The following RUSC1 variants were observed in gnomAD, a reference collection of about 807,000 sequenced individuals.
RUSC1 encodes the protein AP-4 complex accessory subunit RUSC1.
Under a neutral mutation model 72.1 loss-of-function variants are expected in RUSC1, and 40 were observed. The observed-to-expected ratio is 0.55, with a 90% confidence interval of 0.43 to 0.72. The LOEUF is 0.72. RUSC1 is among the 30% of genes least tolerant of loss of function. The pLI is 0.00. For missense variants in RUSC1, 1,092 were observed against 1,172.3 expected, an observed-to-expected ratio of 0.93 and a Z score of 1.00; for synonymous variants, 512 against 494.2, an observed-to-expected ratio of 1.04 and a Z score of -0.48.
intron 2 of RUSC1, chr1:155,323,738 C>A (rs1423750089): frequency 6.3e-6 from 1 of 157,496 alleles, no homozygotes; most frequent in East Asian, 1.9e-4. Flanking sequence ...GTACCCGCCC[C>A]CCCGCTGCCA....
chr1:155,330,469 A>G lies in RUSC1; in HGVS notation c.2607A>G (p.Glu869=). ...ACCAGTTGAGCTTCCGGCGTGGGGA[A>G]GTGCTGCGTGTCATCACCACAGTGG... ...RPDQLSFRRG[E]VLRVITTVDE... The change falls in exon 10 of 10, where the codon GAA becomes GAG. Residue 869 remains glutamate, a synonymous_variant. Transcript: ENST00000368352. The G allele has an allele frequency of 6.2e-7, 1 of 1,613,882 alleles. No individual in the cohort carries two copies. Among genetic ancestry groups the G allele is most frequent in the South Asian group, 1.1e-5 (1 of 91,072 alleles).
At chr1:155,321,434 G>A (rs934437104) in intron 1 of RUSC1, 5 of 1,413,304 alleles carry the variant, frequency 3.5e-6, no homozygotes, top group Middle Eastern at 2.4e-4. Context: ...CCAGGCCCCC[G>A]CCCCCCTTCG....
chr1:155,325,684 TC>T lies in RUSC1; in HGVS notation c.1814+13del, dbSNP rs757987563. The T allele has an allele frequency of 6.2e-7, 1 of 1,613,372 alleles. No individual in the cohort carries two copies. The highest frequency in any genetic ancestry group is 8.5e-7 in the Non-Finnish European group (1 of 1,179,654). ...CTGGGCCTCCTCAAGTGAGTTGCCTTCTTTCCAGTGCCCTTCCCACGACCTG... is the reference window on the plus strand; with the variant it reads ...CTGGGCCTCCTCAAGTGAGTTGCCTTTTTCCAGTGCCCTTCCCACGACCTG... On this transcript the variant is annotated intron_variant, in intron 6 of 9. Coordinates refer to ENST00000368352, the MANE Select transcript of RUSC1 (RefSeq NM_001105203.2). This position sits in a 1 kb window ranked among gnomAD's most constrained non-coding sequence, Gnocchi z 6.5.
In RUSC1 at chr1:155,322,000, A is replaced by G; in HGVS notation, c.227A>G (p.Glu76Gly). The G allele has an allele frequency of 1.9e-6, 3 of 1,601,894 alleles. No individual in the cohort carries two copies. The highest frequency in any genetic ancestry group is 2.6e-6 in the Non-Finnish European group (3 of 1,173,066). ...GCTGTGCCCTGCCGGTGCTGCCAGGAGCACGGTCCGGGCCTAGAAAACCGG... is the reference window on the plus strand; with the variant it reads ...GCTGTGCCCTGCCGGTGCTGCCAGGGGCACGGTCCGGGCCTAGAAAACCGG... ...SPAVPCRCCQ[E>G]HGPGLENRQD... The change falls in exon 2 of 10, where the codon GAG becomes GGG. Residue 76 changes from glutamate (E) to glycine (G), a missense_variant. Coordinates refer to ENST00000368352, the MANE Select transcript of RUSC1 (RefSeq NM_001105203.2).
rs766837099 is a variant in RUSC1, at chr1:155,322,005, G to T, written c.232G>T (p.Gly78Cys). The T allele has an allele frequency of 6.2e-7, 1 of 1,603,592 alleles. No homozygotes were observed. Residue 78 changes from glycine (G) to cysteine (C), a missense_variant, in exon 2 of 10, where the codon GGT becomes TGT. Gly to Cys is a radical substitution (Grantham distance 159, BLOSUM62 -3). Coordinates refer to ENST00000368352, the MANE Select transcript of RUSC1 (RefSeq NM_001105203.2). ...AVPCRCCQEH[G>C]PGLENRQDPS... ...GCCCTGCCGGTGCTGCCAGGAGCAC[G>T]GTCCGGGCCTAGAAAACCGGCAGGA...
At chr1:155,328,426 T>C (rs1410649712) in intron 9 of RUSC1, 151 bp downstream of exon 9, 2 of 866,132 alleles carry the variant, frequency 2.3e-6, no homozygotes, top group Non-Finnish European at 3.2e-6. Context: ...GTGTCACTCA[T>C]TTGAGCCTTG....
rs778487630 is a variant in RUSC1, at chr1:155,327,094, G to A, written c.2376G>A (p.Gly792=). 4.0e-5 allele frequency: 65 copies of A among 1,608,396 alleles called. No individual in the cohort carries two copies. The Admixed American group carries it at 5.0e-4, about 12-fold the overall frequency. ...TGGGAAGACTATTTGGAGTGCCTGG[G>A]GGCCCCGCAGAAAATGAGAATGGAG... is the stretch of plus-strand genomic sequence containing the variant. The part of the protein sequence containing the change: ...LWLGRLFGVP[G]GPAENENGAL... Residue 792 remains glycine (G), a synonymous_variant, in exon 8 of 10, where the codon GGG becomes GGA. Coordinates refer to ENST00000368352, the MANE Select transcript of RUSC1 (RefSeq NM_001105203.2).
Position 155,322,937 on chromosome 1 carries a change from A to T in RUSC1, c.1164A>T (p.Arg388=). ...CCCCAGCCCCGCCAGTCCCGCCTCG[A>T]GACCCCCCAGTTGGCTGGGCTTTGG... ...SRAPAPPVPP[R]DPPVGWALVP... is the part of the protein sequence containing the mutation. The change falls in exon 2 of 10, where the codon CGA becomes CGT. Residue 388 remains arginine (R), a synonymous_variant. Transcript: ENST00000368352. 1.3e-6 allele frequency: 2 copies of T among 1,599,900 alleles called. No individual in the cohort carries two copies. The highest frequency in any genetic ancestry group is 1.7e-6 in the Non-Finnish European group (2 of 1,173,414).
At chr1:155,321,397 G>A (rs745396409) in intron 1 of RUSC1, 2 of 1,390,820 alleles carry the variant, frequency 1.4e-6, no homozygotes, top group Admixed American at 3.8e-5. Flanking sequence ...CAGGGACCTG[G>A]AGGTCCATTC....
At position 155,322,967 on chromosome 1, in the gene RUSC1, G is replaced by A; in HGVS notation, c.1194G>A (p.Pro398=). The A allele has an allele frequency of 3.3e-6, 3 of 921,434 alleles. No individual in the cohort carries two copies. The highest frequency in any genetic ancestry group is 4.8e-5 in the East Asian group (1 of 20,626). The allele number at this position is 921,434 out of a possible 1,614,324, so 57.1% of individuals were successfully genotyped here. A position where few individuals can be genotyped will look rare whatever the true frequency, so the allele number is the denominator to read the frequency against. Residue 398 remains proline, a synonymous_variant, in exon 2 of 10, where the codon CCG becomes CCA. Coordinates refer to ENST00000368352, the MANE Select transcript of RUSC1 (RefSeq NM_001105203.2). ...RDPPVGWALV[P]PRPPPPPVPP... ...CCCCAGTTGGCTGGGCTTTGGTCCCGCCCCGGCCCCCACCCCCGCCTGTCC... is the reference window on the plus strand; with the variant it reads ...CCCCAGTTGGCTGGGCTTTGGTCCCACCCCGGCCCCCACCCCCGCCTGTCC...
At chr1:155,324,728 C>T in intron 2 of RUSC1, 117 bp from the exon 3 acceptor site, 1 of 1,583,614 alleles carries the variant, frequency 6.3e-7, no homozygotes, top group South Asian at 1.1e-5. Flanking sequence ...CCTCCTCTCC[C>T]CAAGACCCTT....
rs199655802 is a variant in RUSC1, at chr1:155,326,590, C to T, written c.1872C>T (p.Ser624=). Residue 624 remains serine, a synonymous_variant, in exon 8 of 10, where the codon TCC becomes TCT. Transcript: ENST00000368352. This position sits in a 1 kb window ranked among gnomAD's most constrained non-coding sequence, Gnocchi z 4.7. ...SSLQEDAGLL[S]LLYLPTGFFS... ...CCTGCTCTTTTCCAGGCCTGCTCTCCCTCCTGTACCTGCCAACAGGATTTT... is the reference window on the plus strand; with the variant it reads ...CCTGCTCTTTTCCAGGCCTGCTCTCTCTCCTGTACCTGCCAACAGGATTTT... The T allele has an allele frequency of 6.2e-7, 1 of 1,608,710 alleles. No individual in the cohort carries two copies. The highest frequency in any genetic ancestry group is 8.5e-7 in the Non-Finnish European group (1 of 1,176,190).
At chr1:155,324,269 A>T (rs1449419647) in intron 2 of RUSC1, 1 of 1,512,800 alleles carries the variant, frequency 6.6e-7, no homozygotes, top group Non-Finnish European at 8.8e-7. Context: ...CCGCGAGTCC[A>T]GTCCCACGCG....
At position 155,322,967 on chromosome 1, in the gene RUSC1, G is replaced by T. The variant is rs936925910; in HGVS notation, c.1194G>T (p.Pro398=). ...CCCCAGTTGGCTGGGCTTTGGTCCC[G>T]CCCCGGCCCCCACCCCCGCCTGTCC... ...RDPPVGWALV[P]PRPPPPPVPP... is the part of the protein sequence containing the mutation. Residue 398 remains proline, a synonymous_variant, in exon 2 of 10, where the codon CCG becomes CCT. Coordinates refer to ENST00000368352, the MANE Select transcript of RUSC1 (RefSeq NM_001105203.2). 1.1e-6 allele frequency: 1 copy of T among 921,440 alleles called. No individual in the cohort carries two copies. The highest frequency in any genetic ancestry group is 2.8e-5 in the Admixed American group (1 of 35,378). The allele number at this position is 921,440 out of a possible 1,614,324, so 57.1% of individuals were successfully genotyped here. A position where few individuals can be genotyped will look rare whatever the true frequency, so the allele number is the denominator to read the frequency against.
In RUSC1 at chr1:155,322,332, A is replaced by G. The variant is rs762734132; in HGVS notation, c.559A>G (p.Thr187Ala). 4 of 1,612,196 alleles carry G rather than the reference A, an allele frequency of 2.5e-6. No homozygotes were observed. The highest frequency in any genetic ancestry group is 3.4e-6 in the Non-Finnish European group (4 of 1,178,696). Residue 187 changes from threonine to alanine, a missense_variant, in exon 2 of 10, where the codon ACC becomes GCC. Physicochemically the swap from Thr to Ala is moderately conservative, Grantham distance 58. Coordinates refer to ENST00000368352, the MANE Select transcript of RUSC1 (RefSeq NM_001105203.2). ...GGACTCGAACTGCAACGCCCTGACC[A>G]CCTGCCAGGACGTCCCTTCCCCAGG... ...GLDSNCNALT[T>A]CQDVPSPGLE...
In RUSC1 at chr1:155,324,340, C is replaced by A. The variant is rs1462075231; in HGVS notation, c.1358-505C>A. On this transcript the variant is annotated intron_variant, in intron 2 of 9. Coordinates refer to ENST00000368352, the MANE Select transcript of RUSC1 (RefSeq NM_001105203.2). ...CGGGACCCGGGTTTCCCCTTTCCGGCGCCTTCCAGCCTCCCAATCCTCGGG... is the reference window on the plus strand; with the variant it reads ...CGGGACCCGGGTTTCCCCTTTCCGGAGCCTTCCAGCCTCCCAATCCTCGGG... 4 of 1,596,620 alleles carry A rather than the reference C, an allele frequency of 2.5e-6. No homozygotes were observed. In the East Asian group the frequency reaches 6.7e-5, roughly 27 times the overall value.
intron 9 of RUSC1, among the ~76,000 whole-genome samples, chr1:155,329,953 G>GAAAAAAAA (rs1025418792): frequency 2.2e-5 from 1 of 45,974 alleles, no homozygotes; most frequent in Non-Finnish European, 4.9e-5. Context: ...TCTGTCTCAA[G>GAAAAAAAA]AAAAAAAAAA....
chr1:155,325,130 T>C lies in RUSC1; in HGVS notation c.1485T>C (p.Val495=). ...KGLLIAVSVS[V]DKIISHFGAA... ...TTCTGATAGCCGTCAGCGTCTCCGTTGATAAAATCATCTCGCATTTCGGGG... is the reference window on the plus strand; with the variant it reads ...TTCTGATAGCCGTCAGCGTCTCCGTCGATAAAATCATCTCGCATTTCGGGG... Residue 495 remains valine, a synonymous_variant, in exon 4 of 10, where the codon GTT becomes GTC. Transcript: ENST00000368352. The surrounding 1 kb of genome is among the most constrained non-coding windows in gnomAD (Gnocchi z 6.5). 1 of 1,614,244 alleles carries C rather than the reference T, an allele frequency of 6.2e-7. No individual in the cohort carries two copies. Among genetic ancestry groups the C allele is most frequent in the Non-Finnish European group, 8.5e-7 (1 of 1,180,044 alleles).
rs1557989592 is a variant in RUSC1 at position 155,322,323 on chromosome 1, G to A, written c.550G>A (p.Ala184Thr). The change falls in exon 2 of 10, where the codon GCC (alanine) becomes ACC (threonine). Residue 184 changes from alanine (A) to threonine (T), a missense_variant. By Grantham distance (58) the Ala-to-Thr change is moderately conservative (BLOSUM62 0). Transcript: ENST00000368352. ...PDPGLDSNCNALTTCQDVPSP... is the reference protein window; with the variant it reads ...PDPGLDSNCNTLTTCQDVPSP... ...TCCTGGCCTGGACTCGAACTGCAAC[G>A]CCCTGACCACCTGCCAGGACGTCCC... The A allele has an allele frequency of 5.0e-6, 8 of 1,612,444 alleles. No homozygotes were observed. Among genetic ancestry groups the A allele is most frequent in the Non-Finnish European group, 6.8e-6 (8 of 1,178,764 alleles).
Sources: gnomAD v4.1 joint callset for allele counts (sites outside exome capture counted in the v4.1 genomes callset) on GRCh38, gnomAD v4.1.1 for gene constraint, Gnocchi (gnomAD v3.1) non-coding constraint, MANE v1.5 for transcripts, NCBI Gene and HGNC (gene_info 2026-07-23, HGNC 2026-07-21) for gene names.